The following PLCB1 variants were observed in gnomAD, a reference collection of about 807,000 sequenced individuals.
PLCB1 encodes 1-phosphatidylinositol 4,5-bisphosphate phosphodiesterase beta-1.
A neutral mutation model predicts 161.8 loss-of-function variants in PLCB1; 46 were observed. That is an observed-to-expected ratio of 0.28 (90% CI 0.22 to 0.36). The LOEUF (loss-of-function observed/expected upper bound fraction) is 0.36. PLCB1 is among the 10% of genes least tolerant of loss of function. The pLI is 1.00. For missense variants in PLCB1, 1,016 were observed against 1,472.5 expected (o/e 0.69, Z 5.07); for synonymous variants, 517 against 503.7 (o/e 1.03, Z -0.35).
intron 2 of PLCB1, among the ~76,000 whole-genome samples, chr20:8,214,265 G>A (rs1413886823): frequency 6.6e-6 from 1 of 152,124 alleles, no homozygotes; most frequent in African/African-American, 2.4e-5. Context: ...GGTGGGGCCT[G>A]GTGGAAGGTG....
intron 4 of PLCB1, among the ~76,000 whole-genome samples, chr20:8,641,840 A>G (rs1988966296): frequency 6.6e-6 from 1 of 152,184 alleles, no homozygotes; most frequent in Non-Finnish European, 1.5e-5. Context: ...CAATCAAGAA[A>G]GCCCTTTTGC....
chr20:8,764,539 C>G (rs1444995365), intron 25 of PLCB1, among the ~76,000 whole-genome samples: 1 of 152,230 alleles, frequency 6.6e-6, no homozygotes, highest in Non-Finnish European at 1.5e-5. Flanking sequence ...GTGCACCCGT[C>G]TCCTGGCTGG....
At chr20:8,483,773 G>A (rs935205093) in intron 3 of PLCB1, among the ~76,000 whole-genome samples, 3 of 152,152 alleles carry the variant, frequency 2.0e-5, no homozygotes, top group Non-Finnish European at 2.9e-5. Context: ...CTAGTATCCT[G>A]TTAAAACCAT....
intron 3 of PLCB1, among the ~76,000 whole-genome samples, chr20:8,556,983 A>T (rs373637304): frequency 6.3e-5 from 9 of 143,302 alleles, no homozygotes; most frequent in Admixed American, 3.5e-4. Context: ...ATAAATAAAT[A>T]AAATAAATAA....
chr20:8,677,917 G>T (rs1050665907), intron 9 of PLCB1, among the ~76,000 whole-genome samples: 1 of 151,970 alleles, frequency 6.6e-6, no homozygotes, highest in Non-Finnish European at 1.5e-5. Flanking sequence ...ACAATTAAAG[G>T]GGAAGACATG....
intron 3 of PLCB1, among the ~76,000 whole-genome samples, chr20:8,419,892 T>G (rs749040099): frequency 4.0e-5 from 6 of 151,178 alleles, no homozygotes; most frequent in Non-Finnish European, 8.8e-5. Flanking sequence ...ATACTAGACT[T>G]AATGTTGTGG....
intron 4 of PLCB1, among the ~76,000 whole-genome samples, chr20:8,640,050 C>T (rs1180955145): frequency 6.6e-6 from 1 of 152,144 alleles, no homozygotes; most frequent in Non-Finnish European, 1.5e-5. Context: ...AAAATACCCT[C>T]TTCATTTGAA....
rs571710525 is a variant in PLCB1 at position 8,404,816 on chromosome 20, T to C, written c.246+33366T>C. ...AACAGAATATTTTGGAAGTATGGCT[T>C]TAACACCATGGCATAATTATAGCTG... On this transcript the variant is annotated intron_variant, in intron 3 of 31. Coordinates refer to ENST00000338037, the MANE Select transcript of PLCB1 (RefSeq NM_015192.4). 2.4e-4 allele frequency among the ~76,000 whole-genome samples: 36 copies of C among 152,304 alleles called. 2 individuals are homozygous for C. In the South Asian group the frequency reaches 7.5e-3, roughly 32 times the overall value.
At chr20:8,320,841 G>A (rs1984882351) in intron 2 of PLCB1, among the ~76,000 whole-genome samples, 1 of 147,844 alleles carries the variant, frequency 6.8e-6, no homozygotes, top group Non-Finnish European at 1.5e-5. Context: ...GAGGGAGGGA[G>A]GGAGGGAGGG....
intron 23 of PLCB1, among the ~76,000 whole-genome samples, chr20:8,746,121 G>C (rs759083219): frequency 6.6e-6 from 1 of 152,034 alleles, no homozygotes; most frequent in Non-Finnish European, 1.5e-5. Context: ...TAGTAGAGAC[G>C]GGGTTTCACC....
At chr20:8,426,282 A>T (rs1979766553) in intron 3 of PLCB1, among the ~76,000 whole-genome samples, 1 of 152,212 alleles carries the variant, frequency 6.6e-6, no homozygotes, top group South Asian at 2.1e-4. Context: ...ATAATCCTAA[A>T]AGAAAAAAAA....
At chr20:8,388,554 T>C (rs1987497807) in intron 3 of PLCB1, among the ~76,000 whole-genome samples, 1 of 152,224 alleles carries the variant, frequency 6.6e-6, no homozygotes. Flanking sequence ...GGTTTCTCCT[T>C]TTTTCTCCTG....
In PLCB1 at chr20:8,882,144, T is replaced by C. The variant is rs376353155; in HGVS notation, c.*295T>C. ...CTTGCAGGCTCCATGGAACTTTTAA[T>C]GAAGGACAGTGTCTTCTTTGAAGAA... On this transcript the variant is annotated 3_prime_UTR_variant, in exon 32 of 32. Transcript: ENST00000338037. 2.3e-4 allele frequency: 74 copies of C among 317,686 alleles called. No individual in the cohort carries two copies. In the East Asian group the frequency reaches 2.5e-3, roughly 11 times the overall value. The allele number at this position is 317,686 out of a possible 1,614,324, so 19.7% of individuals were successfully genotyped here.
chr20:8,291,801 G>C (rs1478869018), intron 2 of PLCB1, among the ~76,000 whole-genome samples: 1 of 152,162 alleles, frequency 6.6e-6, no homozygotes, highest in African/African-American at 2.4e-5. Flanking sequence ...TTGAAGCACT[G>C]AGAAATTGTC....
chr20:8,350,217 T>C (rs953220786), intron 2 of PLCB1, among the ~76,000 whole-genome samples: 1 of 152,188 alleles, frequency 6.6e-6, no homozygotes, highest in South Asian at 2.1e-4. Flanking sequence ...CCATTAGCTA[T>C]TTTTTCTGAT....
intron 2 of PLCB1, among the ~76,000 whole-genome samples, chr20:8,296,446 A>T (rs1202484730): frequency 3.3e-5 from 5 of 152,196 alleles, no homozygotes; most frequent in Non-Finnish European, 7.3e-5. Context: ...GCCCTCCAAG[A>T]ACCCGAGAGC....
At chr20:8,283,767 T>G (rs989903902) in intron 2 of PLCB1, among the ~76,000 whole-genome samples, 5 of 152,074 alleles carry the variant, frequency 3.3e-5, no homozygotes, top group Non-Finnish European at 7.4e-5. Context: ...TTAAGATGAT[T>G]ACTCATTTAA....
At chr20:8,720,646 C>T (rs1979574387) in intron 14 of PLCB1, among the ~76,000 whole-genome samples, 1 of 151,940 alleles carries the variant, frequency 6.6e-6, no homozygotes. Context: ...CCCAACATCC[C>T]TCCAAAGATT....
chr20:8,281,315 A>G (rs1208208948), intron 2 of PLCB1, among the ~76,000 whole-genome samples: 2 of 148,314 alleles, frequency 1.3e-5, no homozygotes, highest in Non-Finnish European at 3.0e-5. Context: ...AACATCATGT[A>G]AGTAAACCCA....
Sources: allele counts gnomAD v4.1 joint callset (sites outside exome capture counted in the v4.1 genomes callset), GRCh38; gene constraint gnomAD v4.1.1; transcripts MANE v1.5; gene names NCBI Gene and HGNC (gene_info 2026-07-23, HGNC 2026-07-21).